Variants in SLC7A5 observed in about 807,000 individuals in gnomAD.
SLC7A5 encodes large neutral amino acids transporter small subunit 1.
SLC7A5 carries 23 observed loss-of-function variants against 50.2 expected under a neutral mutation model. The observed-to-expected ratio is 0.46, with a 90% confidence interval of 0.33 to 0.65. The LOEUF is 0.65. Among genes scored for constraint, SLC7A5 ranks in the 30% least tolerant of loss-of-function variants. The pLI is 0.02. For synonymous variants in SLC7A5, 393 were observed against 330.6 expected, an observed-to-expected ratio of 1.19 and a Z score of -2.05; for missense variants, 578 against 684.4, an observed-to-expected ratio of 0.84 and a Z score of 1.73.
In SLC7A5 at chr16:87,860,211, T is replaced by C. The variant is rs2055373417; in HGVS notation, c.539-8362A>G. Among the ~76,000 whole-genome samples the C allele has an allele frequency of 6.6e-6, 1 of 151,184 alleles. No individual in the cohort carries two copies. The highest frequency in any genetic ancestry group is 2.0e-4 in the East Asian group (1 of 5,074). ...AGCTGGGCATGGTGGTGCATGCCTG[T>C]AGTCCCAGCTACTCGGGAAGCTAAG... On this transcript the variant is annotated intron_variant, in intron 1 of 9. Coordinates refer to ENST00000261622, the MANE Select transcript of SLC7A5 (RefSeq NM_003486.7). This position sits in a 1 kb window ranked among gnomAD's most constrained non-coding sequence, Gnocchi z 4.8.
In SLC7A5 at chr16:87,869,260, C is replaced by A. The variant is rs768554431; in HGVS notation, c.163G>T (p.Gly55Cys). Residue 55 changes from glycine (G) to cysteine (C), a missense_variant, in exon 1 of 10, where the codon GGC becomes TGC. Gly to Cys is a radical substitution (Grantham distance 159, BLOSUM62 -3). Transcript: ENST00000261622. ...TLQRNITLLN[G>C]VAIIVGTIIG... The stretch of plus-strand genomic sequence containing the variant: ...ATGGTCCCCACGATGATGGCCACGC[C>A]GTTGAGCAGCGTGATGTTCCGCTGC... 2.5e-6 allele frequency: 4 copies of A among 1,612,396 alleles called. No individual in the cohort carries two copies. The African/African-American group carries it at 4.0e-5, about 16-fold the overall frequency.
rs368116603 is a variant in SLC7A5 at position 87,833,128 on chromosome 16, C to T, written c.1469-103G>A. 117 of 938,430 alleles carry T rather than the reference C, an allele frequency of 1.2e-4. No homozygotes were observed. In the East Asian group the frequency reaches 2.7e-3, roughly 22 times the overall value. 58.1% of individuals were successfully genotyped at this position (938,430 alleles called of 1,614,324 possible). On this transcript the variant is annotated intron_variant, in intron 9 of 9. Coordinates refer to ENST00000261622, the MANE Select transcript of SLC7A5 (RefSeq NM_003486.7). This position sits in a 1 kb window ranked among gnomAD's most constrained non-coding sequence, Gnocchi z 6.0. ...TCCCCCAGCCCTGCTGTCACCAAAC[C>T]CAGCGCCGCTGCCCAGCGCTGGGAT... is the stretch of plus-strand genomic sequence containing the variant.
intron 1 of SLC7A5, among the ~76,000 whole-genome samples, chr16:87,858,952 T>A (rs979448216): frequency 5.3e-5 from 8 of 152,236 alleles, no homozygotes; most frequent in Non-Finnish European, 7.3e-5. Flanking sequence ...GGGGAGCCCT[T>A]AGCTCTGAGC....
At position 87,863,986 on chromosome 16, in the gene SLC7A5, A is replaced by AAAAAAAAAAAATAT. The variant is rs376938738; in HGVS notation, c.538+4898_538+4899insATATTTTTTTTTTT. ...CCAACCTTATGTGTGATCATTTAAA[A>AAAAAAAAAAAATAT]ATATATATATATATATATATATCAG... On this transcript the variant is annotated intron_variant, in intron 1 of 9. Transcript: ENST00000261622. Among the ~76,000 whole-genome samples, 13 of 83,280 alleles carry AAAAAAAAAAAATAT rather than the reference A, an allele frequency of 1.6e-4. 1 individual carries two copies. Among genetic ancestry groups the AAAAAAAAAAAATAT allele is most frequent in the African/African-American group, 4.7e-4 (12 of 25,678 alleles). 54.6% of individuals were successfully genotyped at this position (83,280 alleles called of 152,430 possible). A position where few individuals can be genotyped will look rare whatever the true frequency, so the allele number is the denominator to read the frequency against.
intron 1 of SLC7A5, among the ~76,000 whole-genome samples, chr16:87,859,757 G>A (rs2055365457): frequency 1.3e-5 from 2 of 151,872 alleles, no homozygotes; most frequent in Admixed American, 6.5e-5. Context: ...CGACCAACAT[G>A]GAGAAACCCC....
At chr16:87,836,822 G>A (rs2055010637) in intron 7 of SLC7A5, 175 bp from the exon 8 acceptor site, 1 of 647,438 alleles carries the variant, frequency 1.5e-6, no homozygotes, top group Admixed American at 2.2e-5. Context: ...GAGGAAAGGA[G>A]GGAAGGAGGG....
intron 2 of SLC7A5, among the ~76,000 whole-genome samples, chr16:87,843,700 C>T (rs11644044): frequency 6.6e-6 from 1 of 152,102 alleles, no homozygotes; most frequent in African/African-American, 2.4e-5. Flanking sequence ...GTCACGACGG[C>T]GGGGTGCGGC....
chr16:87,835,107 C>T (rs2054982055), intron 8 of SLC7A5, among the ~76,000 whole-genome samples: 1 of 152,292 alleles, frequency 6.6e-6, no homozygotes. Context: ...AAGGAGCCTG[C>T]AGGCCGCAAC....
intron 7 of SLC7A5, chr16:87,837,395 A>G (rs943358903): frequency 1.5e-5 from 3 of 197,892 alleles, no homozygotes; most frequent in African/African-American, 7.0e-5. Flanking sequence ...GTGAGATAAT[A>G]AGTGCTTTTC....
At chr16:87,849,154 C>A (rs2055189102) in intron 2 of SLC7A5, among the ~76,000 whole-genome samples, 1 of 152,214 alleles carries the variant, frequency 6.6e-6, no homozygotes, top group Non-Finnish European at 1.5e-5. Flanking sequence ...GGAGTCTCTG[C>A]CTTGAAGTAT....
intron 6 of SLC7A5, 68 bp from the exon 7 acceptor site, chr16:87,838,009 C>T (rs1476565821): frequency 2.4e-6 from 3 of 1,251,364 alleles, no homozygotes; most frequent in South Asian, 1.3e-5. Flanking sequence ...AGGGGACACG[C>T]AGGCTGGGGA....
Position 87,869,251 on chromosome 16 carries a change from T to C in SLC7A5, c.172A>G (p.Ile58Val). 2 of 1,612,664 alleles carry C rather than the reference T, an allele frequency of 1.2e-6. No individual in the cohort carries two copies. Among genetic ancestry groups the C allele is most frequent in the Non-Finnish European group, 1.7e-6 (2 of 1,179,856 alleles). The change falls in exon 1 of 10, where the codon ATC becomes GTC. Residue 58 changes from isoleucine to valine, a missense_variant. Ile to Val is a conservative substitution (Grantham distance 29). Transcript: ENST00000261622. ...RNITLLNGVA[I>V]IVGTIIGSGI... Reference sequence around the variant, plus strand: ...GAGCCGATAATGGTCCCCACGATGATGGCCACGCCGTTGAGCAGCGTGATG... The same window carrying C: ...GAGCCGATAATGGTCCCCACGATGACGGCCACGCCGTTGAGCAGCGTGATG...
intron 1 of SLC7A5, among the ~76,000 whole-genome samples, chr16:87,858,597 G>A (rs1567500411): frequency 2.0e-5 from 3 of 152,158 alleles, no homozygotes; most frequent in Admixed American, 6.5e-5. Flanking sequence ...GTCCCACTTG[G>A]TGAAAGTCAC....
rs577593598 is a variant in SLC7A5 at position 87,852,780 on chromosome 16, G to A, written c.539-931C>T. ...TGGGGGGTTCTGTTGCAATATGTGCGCACGCTGAGCCACTATTCAGGGATC... is the reference window on the plus strand; with the variant it reads ...TGGGGGGTTCTGTTGCAATATGTGCACACGCTGAGCCACTATTCAGGGATC... On this transcript the variant is annotated intron_variant, in intron 1 of 9. Transcript: ENST00000261622. The surrounding 1 kb of genome is among the most constrained non-coding windows in gnomAD (Gnocchi z 4.5). 4.7e-4 allele frequency among the ~76,000 whole-genome samples: 72 copies of A among 151,816 alleles called. No homozygotes were observed. The highest frequency in any genetic ancestry group is 2.5e-3 in the East Asian group (13 of 5,166).
chr16:87,834,073 T>C (rs1251852542), intron 9 of SLC7A5, among the ~76,000 whole-genome samples: 2 of 152,122 alleles, frequency 1.3e-5, no homozygotes, highest in African/African-American at 2.4e-5. Context: ...AGGCTGGTCT[T>C]GAACTCCTGA....
In SLC7A5 at chr16:87,851,831, T is replaced by C. The variant is rs749141200; in HGVS notation, c.557A>G (p.Asn186Ser). Residue 186 changes from asparagine to serine, a missense_variant, in exon 2 of 10, where the codon AAC (asparagine) becomes AGC (serine). Asn to Ser is a conservative substitution (Grantham distance 46). Coordinates refer to ENST00000261622, the MANE Select transcript of SLC7A5 (RefSeq NM_003486.7). ...GGTGGCGGCCTTCACGCTGTAGCAG[T>C]TCACGGCCGTGAGCAGCACTGTGGA... ...CLCVLLLTAV[N>S]CYSVKAATRV... 10 of 1,612,924 alleles carry C rather than the reference T, an allele frequency of 6.2e-6. No individual in the cohort carries two copies. The highest frequency in any genetic ancestry group is 8.5e-6 in the Non-Finnish European group (10 of 1,179,958).
intron 1 of SLC7A5, among the ~76,000 whole-genome samples, chr16:87,855,749 G>A (rs761239561): frequency 2.0e-5 from 3 of 152,020 alleles, no homozygotes; most frequent in Non-Finnish European, 4.4e-5. Context: ...GCCAGTAACA[G>A]GTGTGTTCAA....
rs1485547239 is a variant in SLC7A5, at chr16:87,851,782, G to A, written c.606C>T (p.Ala202=). Residue 202 remains alanine (A), a synonymous_variant, in exon 2 of 10, where the codon GCC becomes GCT. Transcript: ENST00000261622. ...TCAGGGCCAGGGCCAGGAGCTTGGC[G>A]GCGGCAAAGGCATCCTGGACCCGGG... The part of the protein sequence containing the change: ...AATRVQDAFA[A]AKLLALALII... 1.3e-5 allele frequency: 21 copies of A among 1,613,136 alleles called. No individual in the cohort carries two copies. The highest frequency in any genetic ancestry group is 2.2e-5 in the East Asian group (1 of 44,884).
chr16:87,844,256 C>G (rs2055119299), intron 2 of SLC7A5, among the ~76,000 whole-genome samples: 1 of 152,216 alleles, frequency 6.6e-6, no homozygotes, highest in South Asian at 2.1e-4. Flanking sequence ...CAGCCAAACC[C>G]CGGGTGGGGG....
Sources: gnomAD v4.1 joint callset for allele counts (sites outside exome capture counted in the v4.1 genomes callset) on GRCh38, gnomAD v4.1.1 for gene constraint, Gnocchi (gnomAD v3.1) non-coding constraint, MANE v1.5 for transcripts, NCBI Gene and HGNC (gene_info 2026-07-23, HGNC 2026-07-21) for gene names.